The following TSHZ2 variants were observed in gnomAD, a reference collection of about 807,000 sequenced individuals.
TSHZ2 encodes the protein teashirt homolog 2.
Under a neutral mutation model 74.4 loss-of-function variants are expected in TSHZ2, and 21 were observed. That is an observed-to-expected ratio of 0.28 (90% CI 0.20 to 0.41). The LOEUF is 0.41. TSHZ2 is among the 10% of genes least tolerant of loss of function. TSHZ2 has a pLI of 1.00. For missense variants in TSHZ2, 1,244 were observed against 1,293.5 expected, an observed-to-expected ratio of 0.96 and a Z score of 0.59; for synonymous variants, 540 against 515.3, an observed-to-expected ratio of 1.05 and a Z score of -0.65.
intron 2 of TSHZ2, among the ~76,000 whole-genome samples, chr20:53,258,553 T>C (rs552733746): frequency 6.6e-6 from 1 of 152,160 alleles, no homozygotes; most frequent in Non-Finnish European, 1.5e-5. Context: ...CAAAACACTC[T>C]GATATGTAGA....
chr20:53,299,793 A>G (rs766530694), intron 2 of TSHZ2, among the ~76,000 whole-genome samples: 16 of 152,234 alleles, frequency 1.1e-4, no homozygotes, highest in Non-Finnish European at 2.2e-4. Flanking sequence ...TTCCTTGGAC[A>G]ATTCATTTTG....
intron 2 of TSHZ2, among the ~76,000 whole-genome samples, chr20:53,425,642 G>A (rs542833002): frequency 6.6e-6 from 1 of 152,308 alleles, no homozygotes; most frequent in East Asian, 1.9e-4. Flanking sequence ...GGTCTTGCAG[G>A]TGATGCAACC....
chr20:53,051,556 A>G (rs1450176127), intron 1 of TSHZ2, among the ~76,000 whole-genome samples: 1 of 152,130 alleles, frequency 6.6e-6, no homozygotes. Context: ...GTAGAGAACT[A>G]AAGAAAACAT....
At chr20:53,084,407 C>T (rs1213085030) in intron 1 of TSHZ2, among the ~76,000 whole-genome samples, 1 of 152,138 alleles carries the variant, frequency 6.6e-6, no homozygotes. Flanking sequence ...ATTTAAGATT[C>T]AGCCCAACAA....
chr20:53,034,152 C>A (rs971404797), intron 1 of TSHZ2, among the ~76,000 whole-genome samples: 1 of 152,068 alleles, frequency 6.6e-6, no homozygotes, highest in African/African-American at 2.4e-5. Context: ...ACGTGGGAAA[C>A]AATAGACAGA....
chr20:53,154,093 C>A (rs1987736681), intron 1 of TSHZ2, among the ~76,000 whole-genome samples: 1 of 152,208 alleles, frequency 6.6e-6, no homozygotes, highest in Admixed American at 6.5e-5. Context: ...TATCTTTTAA[C>A]AGACAGAGCT....
intron 1 of TSHZ2, among the ~76,000 whole-genome samples, chr20:53,131,484 C>A (rs1987098878): frequency 6.6e-6 from 1 of 152,132 alleles, no homozygotes; most frequent in African/African-American, 2.4e-5. Flanking sequence ...CACCTGGGTC[C>A]TCTGATGAGT....
At chr20:53,185,576 C>T (rs866986888) in intron 1 of TSHZ2, 30 of 1,503,900 alleles carry the variant, frequency 2.0e-5, no homozygotes, top group African/African-American at 5.5e-5. Flanking sequence ...GCTGAGATCA[C>T]GCCACTGCAC....
chr20:53,319,740 A>G (rs17441250), intron 2 of TSHZ2, among the ~76,000 whole-genome samples: 21,918 of 152,260 alleles, frequency 0.14, 2,087 homozygotes, highest in South Asian at 0.25. Flanking sequence ...CAGTTTAGTC[A>G]TCTAAAAAAT....
intron 2 of TSHZ2, among the ~76,000 whole-genome samples, chr20:53,341,602 G>A (rs1406155077): frequency 1.3e-5 from 2 of 151,864 alleles, no homozygotes; most frequent in Non-Finnish European, 2.9e-5. Flanking sequence ...TGGAATTACA[G>A]GCTTAAACCG....
chr20:53,283,875 A>G (rs2741358), intron 2 of TSHZ2, among the ~76,000 whole-genome samples: 83,208 of 152,100 alleles, frequency 0.55, 24,398 homozygotes, highest in African/African-American at 0.77. Flanking sequence ...ATTTTCCTGC[A>G]TGCTTGGTCT....
chr20:53,002,753 C>T (rs1202944239), intron 1 of TSHZ2, among the ~76,000 whole-genome samples: 1 of 152,112 alleles, frequency 6.6e-6, no homozygotes, highest in Admixed American at 6.5e-5. Flanking sequence ...TTGGGACCTA[C>T]GGGCAAGCTT....
At chr20:53,185,528 T>TG in intron 1 of TSHZ2, 1 of 1,419,934 alleles carries the variant, frequency 7.0e-7, no homozygotes, top group East Asian at 2.6e-5. Flanking sequence ...GCAGGAGAAT[T>TG]CCTTGAACTG....
At chr20:53,334,447 G>A (rs1979857630) in intron 2 of TSHZ2, among the ~76,000 whole-genome samples, 1 of 152,054 alleles carries the variant, frequency 6.6e-6, no homozygotes, top group Non-Finnish European at 1.5e-5. Flanking sequence ...TGCCTGGTAT[G>A]TTCTAAATGG....
At chr20:53,154,191 C>A (rs1247404843) in intron 1 of TSHZ2, among the ~76,000 whole-genome samples, 2 of 152,116 alleles carry the variant, frequency 1.3e-5, no homozygotes, top group African/African-American at 2.4e-5. Flanking sequence ...GAACAGGGGA[C>A]TTGAAAAAGA....
At chr20:53,257,341 T>G (rs1383195835) in intron 2 of TSHZ2, among the ~76,000 whole-genome samples, 1 of 152,214 alleles carries the variant, frequency 6.6e-6, no homozygotes, top group African/African-American at 2.4e-5. Flanking sequence ...TGTGTGCCCT[T>G]GAGGTTTCAT....
intron 1 of TSHZ2, among the ~76,000 whole-genome samples, chr20:53,005,577 T>C (rs1323885490): frequency 1.3e-5 from 2 of 152,154 alleles, no homozygotes; most frequent in Non-Finnish European, 2.9e-5. Flanking sequence ...GCGTGTCCTG[T>C]GTCATGTGGT....
At chr20:53,227,689 A>G (rs1240626376) in intron 1 of TSHZ2, among the ~76,000 whole-genome samples, 1 of 152,172 alleles carries the variant, frequency 6.6e-6, no homozygotes, top group Non-Finnish European at 1.5e-5. Flanking sequence ...CAGCATTGCA[A>G]TCTACAGTTT....
At chr20:53,305,900 C>T (rs373612728) in intron 2 of TSHZ2, among the ~76,000 whole-genome samples, 1 of 151,982 alleles carries the variant, frequency 6.6e-6, no homozygotes, top group Non-Finnish European at 1.5e-5. Flanking sequence ...ATTGCTTGAA[C>T]CCGGGAGGCG....
Sources: gnomAD v4.1 joint callset for allele counts (sites outside exome capture counted in the v4.1 genomes callset) on GRCh38, gnomAD v4.1.1 for gene constraint, MANE v1.5 for transcripts, NCBI Gene and HGNC (gene_info 2026-07-23, HGNC 2026-07-21) for gene names.